TAF3: variants seen among roughly 807,000 people sequenced by gnomAD.
The protein encoded by TAF3 is transcription initiation factor TFIID subunit 3.
A neutral mutation model predicts 80.6 loss-of-function variants in TAF3; 7 were observed. The ratio of observed to expected loss-of-function variants is 0.09; its 90% CI spans 0.05 to 0.16. The LOEUF is 0.16. TAF3 is among the 10% of genes least tolerant of loss of function. TAF3 has a pLI of 1.00. For missense variants in TAF3, 921 were observed against 1,140.2 expected (o/e 0.81, Z 2.77); for synonymous variants, 444 against 446.1 (o/e 1.00, Z 0.06).
At chr10:7,837,708 G>A (rs12220069) in intron 2 of TAF3, among the ~76,000 whole-genome samples, 12,333 of 152,176 alleles carry the variant, frequency 0.081, 632 homozygotes, top group Admixed American at 0.13. Context: ...CTGAGGTGGT[G>A]TAAGTACTCA....
At chr10:7,878,765 G>C (rs1837333543) in intron 2 of TAF3, among the ~76,000 whole-genome samples, 1 of 152,070 alleles carries the variant, frequency 6.6e-6, no homozygotes, top group Middle Eastern at 3.4e-3. Context: ...GTCTTGCTCT[G>C]TTGCTCAGGC....
chr10:7,941,230 A>G (rs1837973024), intron 2 of TAF3, among the ~76,000 whole-genome samples: 1 of 152,214 alleles, frequency 6.6e-6, no homozygotes, highest in African/African-American at 2.4e-5. Flanking sequence ...GCTAGATCAA[A>G]TTTGCTGACA....
At chr10:7,834,128 C>T (rs1385598050) in intron 2 of TAF3, among the ~76,000 whole-genome samples, 5 of 152,144 alleles carry the variant, frequency 3.3e-5, no homozygotes, top group East Asian at 1.9e-4. Flanking sequence ...TGTGGGTGCA[C>T]GTGTTTTCCT....
intron 2 of TAF3, among the ~76,000 whole-genome samples, chr10:7,955,975 A>G (rs945718177): frequency 5.3e-5 from 8 of 152,150 alleles, no homozygotes; most frequent in African/African-American, 7.2e-5. Context: ...GAATTTGACA[A>G]TTGTTCTGCA....
At chr10:7,894,852 T>G (rs917133253) in intron 2 of TAF3, among the ~76,000 whole-genome samples, 1 of 152,160 alleles carries the variant, frequency 6.6e-6, no homozygotes, top group Admixed American at 6.6e-5. Flanking sequence ...TTTGATGTGC[T>G]CAAGCTTCTA....
intron 2 of TAF3, among the ~76,000 whole-genome samples, chr10:7,902,423 TA>T (rs969640510): frequency 9.3e-5 from 14 of 151,136 alleles, no homozygotes; most frequent in African/African-American, 1.9e-4. Flanking sequence ...AACTCTGTCT[TA>T]AAAAAAAATA....
intron 5 of TAF3, among the ~76,000 whole-genome samples, chr10:8,012,873 C>T (rs577523538): frequency 6.6e-6 from 1 of 152,254 alleles, no homozygotes; most frequent in Non-Finnish European, 1.5e-5. Context: ...CAAAATAAAC[C>T]GGATGCAATA....
At chr10:7,893,566 G>A (rs1295856392) in intron 2 of TAF3, among the ~76,000 whole-genome samples, 1 of 152,042 alleles carries the variant, frequency 6.6e-6, no homozygotes, top group African/African-American at 2.4e-5. Flanking sequence ...GGCTTTTGTT[G>A]CTGTAGCTAG....
chr10:7,908,141 C>T (rs780394776), intron 2 of TAF3, among the ~76,000 whole-genome samples: 1 of 152,168 alleles, frequency 6.6e-6, no homozygotes, highest in Non-Finnish European at 1.5e-5. Flanking sequence ...TTGCCATTTC[C>T]TCTTGTGTGT....
intron 2 of TAF3, among the ~76,000 whole-genome samples, chr10:7,850,306 A>T (rs78803393): frequency 0.048 from 7,361 of 152,318 alleles, 295 homozygotes; most frequent in Admixed American, 0.11. Flanking sequence ...GGATAGGACA[A>T]TTCATGATGT....
At chr10:7,910,792 A>C (rs1319122755) in intron 2 of TAF3, among the ~76,000 whole-genome samples, 3 of 152,236 alleles carry the variant, frequency 2.0e-5, no homozygotes, top group Non-Finnish European at 4.4e-5. Context: ...GTGAGCTCTA[A>C]ACTGAATTTA....
intron 2 of TAF3, among the ~76,000 whole-genome samples, chr10:7,856,677 C>A (rs563272860): frequency 2.3e-4 from 35 of 151,862 alleles, no homozygotes; most frequent in Non-Finnish European, 4.7e-4. Context: ...ACAAGGGCTC[C>A]TTCGAAAAAT....
At chr10:7,973,755 A>G (rs754695456) in intron 3 of TAF3, among the ~76,000 whole-genome samples, 2 of 152,248 alleles carry the variant, frequency 1.3e-5, no homozygotes, top group Non-Finnish European at 1.5e-5. Context: ...ACACAGAAAG[A>G]TGAGGAAGTC....
chr10:7,998,390 G>GA (rs1236845082), intron 4 of TAF3, among the ~76,000 whole-genome samples: 4 of 151,246 alleles, frequency 2.6e-5, no homozygotes, highest in Admixed American at 1.3e-4. Context: ...TCTCTAAATT[G>GA]AAAAAAATGA....
chr10:7,857,002 G>A (rs1367560191), intron 2 of TAF3, among the ~76,000 whole-genome samples: 3 of 152,066 alleles, frequency 2.0e-5, no homozygotes, highest in Admixed American at 6.5e-5. Context: ...CTGATTCTCA[G>A]AGAATGCTTT....
At chr10:7,893,620 C>T (rs1411921004) in intron 2 of TAF3, among the ~76,000 whole-genome samples, 4 of 152,030 alleles carry the variant, frequency 2.6e-5, no homozygotes, top group African/African-American at 7.2e-5. Context: ...ACTCCCGTAG[C>T]GAGATCCGTC....
At chr10:7,894,206 C>T (rs779943502) in intron 2 of TAF3, among the ~76,000 whole-genome samples, 8 of 152,162 alleles carry the variant, frequency 5.3e-5, no homozygotes, top group Non-Finnish European at 8.8e-5. Context: ...GAATGTGGCA[C>T]ATTTTTTCCA....
chr10:7,872,201 A>G (rs1837272801), intron 2 of TAF3, among the ~76,000 whole-genome samples: 1 of 140,610 alleles, frequency 7.1e-6, no homozygotes, highest in Non-Finnish European at 1.5e-5. Flanking sequence ...ACATGGTAGA[A>G]GTGTTGGGTT....
chr10:7,865,812 C>T (rs1837208598), intron 2 of TAF3, among the ~76,000 whole-genome samples: 2 of 152,202 alleles, frequency 1.3e-5, no homozygotes, highest in Admixed American at 1.3e-4. Flanking sequence ...AAGGACTCTC[C>T]CGTCACCTCC....
Sources: gnomAD v4.1 joint callset for allele counts (sites outside exome capture counted in the v4.1 genomes callset) on GRCh38, gnomAD v4.1.1 for gene constraint, MANE v1.5 for transcripts, NCBI Gene and HGNC (gene_info 2026-07-23, HGNC 2026-07-21) for gene names.